The following CHST8 variants were observed in gnomAD, a reference collection of about 807,000 sequenced individuals.
CHST8 encodes GALNAC-4-ST1.
Under a neutral mutation model 15.0 loss-of-function variants are expected in CHST8, and 10 were observed. That is an observed-to-expected ratio of 0.67 (90% CI 0.41 to 1.13). The LOEUF (loss-of-function observed/expected upper bound fraction) is 1.13, where lower values mean the gene tolerates loss of function less well. Among genes scored for constraint, CHST8 ranks in the 50% most tolerant of loss-of-function variants. The pLI, the probability that CHST8 is intolerant of heterozygous loss-of-function variation, is 0.00. For synonymous variants in CHST8, 259 were observed against 256.6 expected (o/e 1.01, Z -0.09); for missense variants, 634 against 608.2 (o/e 1.04, Z -0.45).
At chr19:33,758,988 C>T (rs1446504026) in intron 3 of CHST8, among the ~76,000 whole-genome samples, 2 of 152,198 alleles carry the variant, frequency 1.3e-5, no homozygotes, top group East Asian at 3.9e-4. Flanking sequence ...TGCGTGTCAC[C>T]TGGTGAAAGC....
intron 3 of CHST8, among the ~76,000 whole-genome samples, chr19:33,726,031 T>G (rs981072379): frequency 6.6e-6 from 1 of 152,194 alleles, no homozygotes; most frequent in Non-Finnish European, 1.5e-5. Context: ...CAGCAGGGGC[T>G]TCTTGCATTC....
intron 3 of CHST8, among the ~76,000 whole-genome samples, chr19:33,753,428 CCCACCCT>C: frequency 1.0e-5 from 1 of 98,472 alleles, no homozygotes; most frequent in South Asian, 3.3e-4. Flanking sequence ...CCTCCCACCA[CCCACCCT>C]CCATCCTCCC....
At position 33,642,303 on chromosome 19, in the gene CHST8, C is replaced by G. The variant is rs182707801; in HGVS notation, c.-164+20007C>G. Among the ~76,000 whole-genome samples the G allele has an allele frequency of 3.0e-3, 460 of 152,244 alleles. 3 individuals are homozygous for G. The highest frequency in any genetic ancestry group is 0.011 in the African/African-American group (436 of 41,504). ...GAGTGGGCAGCAGAGGGCCCCCCCC[C>G]ACTCCACCTCCCACTTCCAAGGAAT... On this transcript the variant is annotated intron_variant, in intron 1 of 4. Coordinates refer to ENST00000650847, the MANE Select transcript of CHST8 (RefSeq NM_001127895.2).
chr19:33,627,013 C>T (rs1972062341), intron 1 of CHST8, among the ~76,000 whole-genome samples: 1 of 147,940 alleles, frequency 6.8e-6, no homozygotes, highest in African/African-American at 2.5e-5. Context: ...TCATCTTGAA[C>T]TTCTTGCCTC....
intron 2 of CHST8, among the ~76,000 whole-genome samples, chr19:33,673,635 G>A (rs1228225523): frequency 6.6e-6 from 1 of 152,204 alleles, no homozygotes. Flanking sequence ...ACGTGCACTT[G>A]CTGGAAGAAT....
intron 1 of CHST8, among the ~76,000 whole-genome samples, chr19:33,646,844 G>T (rs1972361585): frequency 6.6e-6 from 1 of 152,224 alleles, no homozygotes; most frequent in Admixed American, 6.5e-5. Flanking sequence ...GAACCTGGGA[G>T]GCGGGGGTTG....
chr19:33,757,368 A>T (rs1974566839), intron 3 of CHST8, among the ~76,000 whole-genome samples: 2 of 144,190 alleles, frequency 1.4e-5, no homozygotes. Flanking sequence ...CAACAGAGTG[A>T]GACGCGGTCT....
At chr19:33,691,731 A>G (rs1438868634) in intron 3 of CHST8, among the ~76,000 whole-genome samples, 3 of 152,248 alleles carry the variant, frequency 2.0e-5, no homozygotes, top group African/African-American at 7.2e-5. Context: ...GGTGGCCCCA[A>G]GGGCCCTTGA....
At chr19:33,648,622 C>T (rs1972386704) in intron 1 of CHST8, among the ~76,000 whole-genome samples, 1 of 152,110 alleles carries the variant, frequency 6.6e-6, no homozygotes. Context: ...TGCCTATAAT[C>T]CCAGCACTCT....
chr19:33,642,886 CTT>C (rs1972301975), intron 1 of CHST8, among the ~76,000 whole-genome samples: 1 of 152,220 alleles, frequency 6.6e-6, no homozygotes, highest in South Asian at 2.1e-4. Context: ...TGTTTAATCA[CTT>C]TGCATATCAT....
Position 33,747,245 on chromosome 19 carries a change from C to T in CHST8, c.131-24168C>T, listed in dbSNP as rs138679750. On this transcript the variant is annotated intron_variant, in intron 3 of 4. Coordinates refer to ENST00000650847, the MANE Select transcript of CHST8 (RefSeq NM_001127895.2). ...GGTGCCCCACTCAGACACACTTCAG[C>T]GGGCAGGTGCGCCCTTCCCCTGCTG... is the stretch of plus-strand genomic sequence containing the variant. Among the ~76,000 whole-genome samples the T allele has an allele frequency of 6.3e-3, 954 of 152,282 alleles. 7 individuals are homozygous for T. The highest frequency in any genetic ancestry group is 9.9e-3 in the Non-Finnish European group (674 of 68,030).
At chr19:33,641,426 G>T (rs1162656457) in intron 1 of CHST8, among the ~76,000 whole-genome samples, 2 of 152,182 alleles carry the variant, frequency 1.3e-5, no homozygotes, top group African/African-American at 2.4e-5. Context: ...CCCTGGGCAG[G>T]GTTTGAGGAG....
intron 3 of CHST8, among the ~76,000 whole-genome samples, chr19:33,707,032 C>G (rs1302449109): frequency 1.3e-5 from 2 of 152,186 alleles, no homozygotes; most frequent in Non-Finnish European, 2.9e-5. Context: ...TGGGGACTTT[C>G]TGGGGTCCAC....
chr19:33,700,459 C>T (rs1442735692), intron 3 of CHST8, among the ~76,000 whole-genome samples: 1 of 152,190 alleles, frequency 6.6e-6, no homozygotes, highest in Non-Finnish European at 1.5e-5. Flanking sequence ...CTCGCCCTCC[C>T]ATGCCTCACT....
intron 3 of CHST8, among the ~76,000 whole-genome samples, chr19:33,745,283 A>G (rs1294594944): frequency 2.0e-5 from 3 of 152,128 alleles, no homozygotes; most frequent in Non-Finnish European, 4.4e-5. Flanking sequence ...ATTGTTCCCA[A>G]ATTACTATTT....
chr19:33,729,823 T>A (rs1037953288), intron 3 of CHST8, among the ~76,000 whole-genome samples: 1 of 152,180 alleles, frequency 6.6e-6, no homozygotes, highest in South Asian at 2.1e-4. Flanking sequence ...GATTGTCGAC[T>A]GGTGGAAGAG....
intron 1 of CHST8, among the ~76,000 whole-genome samples, chr19:33,624,693 C>G (rs774815482): frequency 1.3e-5 from 2 of 152,198 alleles, no homozygotes; most frequent in African/African-American, 4.8e-5. Context: ...TTGGAAACCT[C>G]GCGCAGGCTG....
chr19:33,703,294 C>T (rs983451322), intron 3 of CHST8, among the ~76,000 whole-genome samples: 3 of 152,166 alleles, frequency 2.0e-5, no homozygotes, highest in African/African-American at 7.2e-5. Flanking sequence ...AAGAAGGGCC[C>T]GGTGGGGTCC....
At chr19:33,767,796 A>T (rs1345815103) in intron 3 of CHST8, among the ~76,000 whole-genome samples, 3 of 152,104 alleles carry the variant, frequency 2.0e-5, no homozygotes, top group African/African-American at 7.2e-5. Context: ...GAGGCAGGGA[A>T]GGTGCGTGGC....
Sources: allele counts gnomAD v4.1 joint callset (sites outside exome capture counted in the v4.1 genomes callset), GRCh38; gene constraint gnomAD v4.1.1; transcripts MANE v1.5; gene names NCBI Gene and HGNC (gene_info 2026-07-23, HGNC 2026-07-21).